Variants in IRF2 observed in about 807,000 individuals in gnomAD.
IRF2 encodes the protein interferon regulatory factor 2.
In IRF2, 15 loss-of-function variants were observed where a neutral mutation model predicts 40.6. The observed-to-expected ratio is 0.37, with a 90% CI of 0.25 to 0.57. The LOEUF (loss-of-function observed/expected upper bound fraction) is 0.57, where lower values mean the gene tolerates loss of function less well. Among genes scored for constraint, IRF2 ranks in the 20% least tolerant of loss-of-function variants. The pLI is 0.77. For missense variants in IRF2, 317 were observed against 455.7 expected, an observed-to-expected ratio of 0.70 and a Z score of 2.77; for synonymous variants, 151 against 165.5, an observed-to-expected ratio of 0.91 and a Z score of 0.67.
At chr4:184,452,503 C>T (rs55693330) in intron 1 of IRF2, among the ~76,000 whole-genome samples, 5 of 152,128 alleles carry the variant, frequency 3.3e-5, no homozygotes, top group African/African-American at 4.8e-5. Flanking sequence ...GACCGTGGAG[C>T]TCTGCGGCAC....
intron 7 of IRF2, among the ~76,000 whole-genome samples, chr4:184,396,948 A>G (rs1490736251): frequency 1.3e-5 from 2 of 152,098 alleles, no homozygotes; most frequent in Non-Finnish European, 2.9e-5. Flanking sequence ...ATTAACAACA[A>G]CAACAAACAA....
chr4:184,425,863 A>C (rs558078566), intron 2 of IRF2, among the ~76,000 whole-genome samples: 11 of 152,358 alleles, frequency 7.2e-5, no homozygotes, highest in African/African-American at 2.4e-4. Context: ...CAATCTCCTA[A>C]GACTGTCATG....
intron 1 of IRF2, among the ~76,000 whole-genome samples, chr4:184,456,834 G>T (rs990722961): frequency 6.6e-6 from 1 of 152,220 alleles, no homozygotes; most frequent in Non-Finnish European, 1.5e-5. Flanking sequence ...GTTCAAACAC[G>T]GCAGTTAGTG....
intron 5 of IRF2, among the ~76,000 whole-genome samples, chr4:184,415,286 A>G (rs1737226591): frequency 6.6e-6 from 1 of 152,240 alleles, no homozygotes; most frequent in African/African-American, 2.4e-5. Flanking sequence ...TATGAATCAT[A>G]TCTTCACGGC....
At chr4:184,397,248 C>T (rs769398943) in intron 7 of IRF2, among the ~76,000 whole-genome samples, 8 of 152,176 alleles carry the variant, frequency 5.3e-5, no homozygotes, top group Non-Finnish European at 8.8e-5. Flanking sequence ...CACAAAACAA[C>T]AAGCACTATG....
intron 1 of IRF2, among the ~76,000 whole-genome samples, chr4:184,466,060 GTTTTTTGT>G (rs1739305436): frequency 9.1e-6 from 1 of 109,702 alleles, no homozygotes; most frequent in African/African-American, 3.0e-5. Flanking sequence ...GTTGTTTTTT[GTTTTTTGT>G]TTTTTTTTTG....
At chr4:184,432,457 G>A (rs892510010) in intron 1 of IRF2, among the ~76,000 whole-genome samples, 27 of 152,182 alleles carry the variant, frequency 1.8e-4, no homozygotes, top group Non-Finnish European at 3.4e-4. Context: ...GTGCCTTCCC[G>A]GGTTCCTAAG....
intron 8 of IRF2, among the ~76,000 whole-genome samples, 164 bp downstream of exon 8, chr4:184,390,539 A>G (rs1248101075): frequency 1.3e-5 from 2 of 152,154 alleles, no homozygotes; most frequent in African/African-American, 4.8e-5. Context: ...CCCAAACCCA[A>G]AAGTATGGTA....
At chr4:184,443,969 C>T (rs1738408210) in intron 1 of IRF2, among the ~76,000 whole-genome samples, 1 of 152,144 alleles carries the variant, frequency 6.6e-6, no homozygotes, top group Non-Finnish European at 1.5e-5. Context: ...AGTGATTAGG[C>T]CCTTCATAGG....
At chr4:184,407,024 C>A (rs1056168450) in intron 6 of IRF2, among the ~76,000 whole-genome samples, 7 of 152,172 alleles carry the variant, frequency 4.6e-5, no homozygotes, top group African/African-American at 1.7e-4. Flanking sequence ...GGTTTCATAG[C>A]AATCTTTGCT....
chr4:184,431,269 C>T (rs958583703), intron 1 of IRF2, among the ~76,000 whole-genome samples: 1 of 152,202 alleles, frequency 6.6e-6, no homozygotes, highest in African/African-American at 2.4e-5. Flanking sequence ...TTGTTCCATT[C>T]ATTCATTTGT....
intron 1 of IRF2, among the ~76,000 whole-genome samples, chr4:184,433,971 C>G (rs1391917639): frequency 6.6e-6 from 1 of 151,792 alleles, no homozygotes; most frequent in African/African-American, 2.4e-5. Context: ...ACACTATAAA[C>G]AGATTAATTA....
At chr4:184,468,493 A>AG (rs1554018286) in intron 1 of IRF2, among the ~76,000 whole-genome samples, 2 of 104,402 alleles carry the variant, frequency 1.9e-5, no homozygotes, top group Admixed American at 9.0e-5. Flanking sequence ...TTCTCAAAAA[A>AG]GAAAAAAAAA....
At chr4:184,428,575 A>T (rs1438546819) in intron 2 of IRF2, 1 of 380,142 alleles carries the variant, frequency 2.6e-6, no homozygotes, top group Non-Finnish European at 5.3e-6. Flanking sequence ...AGGTGGGAGG[A>T]TCACTTCAGC....
At chr4:184,459,617 A>G (rs887324479) in intron 1 of IRF2, among the ~76,000 whole-genome samples, 13 of 152,224 alleles carry the variant, frequency 8.5e-5, no homozygotes, top group Non-Finnish European at 8.8e-5. Context: ...CAGACTTACT[A>G]GTGTGTCATT....
At chr4:184,405,339 C>A (rs562101497) in intron 6 of IRF2, among the ~76,000 whole-genome samples, 2 of 152,310 alleles carry the variant, frequency 1.3e-5, no homozygotes, top group African/African-American at 4.8e-5. Context: ...ACGTGTTGGG[C>A]TGGAGCTATA....
chr4:184,471,305 T>C (rs1739505954), intron 1 of IRF2, among the ~76,000 whole-genome samples: 1 of 152,236 alleles, frequency 6.6e-6, no homozygotes, highest in Non-Finnish European at 1.5e-5. Flanking sequence ...CTATATTTTT[T>C]GTTGTTAATG....
At chr4:184,460,907 C>T (rs793798) in intron 1 of IRF2, among the ~76,000 whole-genome samples, 63,417 of 151,994 alleles carry the variant, frequency 0.42, 13,569 homozygotes, top group South Asian at 0.54. Flanking sequence ...CTTACAAATA[C>T]ACTCTATTAG....
At chr4:184,439,331 A>T (rs1345756371) in intron 1 of IRF2, among the ~76,000 whole-genome samples, 2 of 143,302 alleles carry the variant, frequency 1.4e-5, no homozygotes, top group Non-Finnish European at 3.0e-5. Flanking sequence ...AAAAAAAAAA[A>T]GCGGGGCGGA....
Sources: gnomAD v4.1 joint callset for allele counts (sites outside exome capture counted in the v4.1 genomes callset) on GRCh38, gnomAD v4.1.1 for gene constraint, MANE v1.5 for transcripts, NCBI Gene and HGNC (gene_info 2026-07-23, HGNC 2026-07-21) for gene names.